The following SYNE2 variants were observed in gnomAD, a reference collection of about 807,000 sequenced individuals.
SYNE2 encodes spectrin repeat containing nuclear envelope protein 2.
In SYNE2, 431 loss-of-function variants were observed where a neutral mutation model predicts 856.3. The ratio of observed to expected loss-of-function variants is 0.50; its 90% CI spans 0.47 to 0.55. The LOEUF (loss-of-function observed/expected upper bound fraction) is 0.55, where lower values mean the gene tolerates loss of function less well. Among genes scored for constraint, SYNE2 ranks in the 20% least tolerant of loss-of-function variants. The pLI, the probability that SYNE2 is intolerant of heterozygous loss-of-function variation, is 0.00. For synonymous variants in SYNE2, 2,923 were observed against 2,872.3 expected, an observed-to-expected ratio of 1.02 and a Z score of -0.56; for missense variants, 8,129 against 8,023.2, an observed-to-expected ratio of 1.01 and a Z score of -0.50.
chr14:63,778,051 G>T (rs558714323), intron 1 of SYNE2, among the ~76,000 whole-genome samples: 1 of 152,140 alleles, frequency 6.6e-6, no homozygotes, highest in Non-Finnish European at 1.5e-5. Flanking sequence ...ATATGGTTAG[G>T]CTTTATGTCA....
chr14:63,945,700 C>G (rs1255859), intron 6 of SYNE2, among the ~76,000 whole-genome samples: 73,390 of 151,932 alleles, frequency 0.48, 18,769 homozygotes, highest in South Asian at 0.56. Context: ...TCTTGGCTCA[C>G]TGTAACCTCT....
chr14:64,189,129 T>A, intron 98 of SYNE2: 1 of 609,316 alleles, frequency 1.6e-6, no homozygotes. Flanking sequence ...AGGTCAAGAG[T>A]TCAAGACCAG....
rs1555365025 is a variant in SYNE2, at chr14:63,892,547, A to AG, written c.-51-16550dup. Among the ~76,000 whole-genome samples the AG allele has an allele frequency of 3.3e-5, 5 of 150,892 alleles. No homozygotes were observed. The South Asian group carries it at 1.0e-3, about 31-fold the overall frequency. On this transcript the variant is annotated intron_variant, in intron 1 of 115. Transcript: ENST00000555002. ...GGCTAAGAATTCCGGTCATTTGGGG[A>AG]GAAAAAAAAAATGTCAAAAATGGAA... is the stretch of plus-strand genomic sequence containing the variant.
intron 97 of SYNE2, 74 bp downstream of exon 97, chr14:64,186,653 AAGG>A: frequency 6.2e-7 from 1 of 1,601,060 alleles, no homozygotes; most frequent in South Asian, 1.1e-5. Context: ...ACAAAGTAGA[AAGG>A]AGCTTAATTT....
chr14:64,194,608 T>C (rs2098532692), intron 99 of SYNE2, among the ~76,000 whole-genome samples: 1 of 152,190 alleles, frequency 6.6e-6, no homozygotes, highest in Non-Finnish European at 1.5e-5. Context: ...ACCCAGCCTT[T>C]GATAACGTCT....
rs765348265 is a variant in SYNE2, at chr14:64,125,157, T to G, written c.13501T>G (p.Tyr4501Asp). 5.6e-6 allele frequency: 9 copies of G among 1,614,086 alleles called. No individual in the cohort carries two copies. ...CCCAACAACTGAAGAACTGAAAACC[T>G]ATACCACCCAACTTGAAGACCTGCG... ...RYPTTEELKT[Y>D]TTQLEDLRQE... The change falls in exon 71 of 116, where the codon TAT (tyrosine) becomes GAT (aspartate). Residue 4501 changes from tyrosine (Y) to aspartate (D), a missense_variant. By Grantham distance (160) the Tyr-to-Asp change is radical. Transcript: ENST00000555002.
chr14:64,025,160 C>A lies in SYNE2; in HGVS notation c.5991C>A (p.Asn1997Lys). 6.2e-7 allele frequency: 1 copy of A among 1,614,064 alleles called. No homozygotes were observed. Among genetic ancestry groups the A allele is most frequent in the Non-Finnish European group, 8.5e-7 (1 of 1,179,986 alleles). The change falls in exon 41 of 116, where the codon AAC (asparagine) becomes AAA (lysine). Residue 1997 changes from asparagine to lysine, a missense_variant. This residue lies in a region of SYNE2 where 2,422 missense variants were observed against 2,357.4 expected (regional missense o/e 1.03). Coordinates refer to ENST00000555002, the MANE Select transcript of SYNE2 (RefSeq NM_182914.3). ...AGTTTGAATCTGTGGCCCAATTGAACAACTCTTTGAAGGAATATGGGTTTA... is the reference window on the plus strand; with the variant it reads ...AGTTTGAATCTGTGGCCCAATTGAAAAACTCTTTGAAGGAATATGGGTTTA... ...REQFESVAQL[N>K]NSLKEYGFTE... is the part of the protein sequence containing the mutation.
intron 46 of SYNE2, 112 bp downstream of exon 46, chr14:64,048,267 C>G: frequency 1.0e-6 from 1 of 989,506 alleles, no homozygotes; most frequent in African/African-American, 1.7e-5. Flanking sequence ...CTTATTTAAC[C>G]TTTGCCTGAT....
At chr14:64,213,061 C>T (rs2098649607) in intron 105 of SYNE2, 56 bp downstream of exon 105, 2 of 1,593,060 alleles carry the variant, frequency 1.3e-6, no homozygotes, top group Non-Finnish European at 1.7e-6. Flanking sequence ...TTACGTGAGA[C>T]CAAATTTTTA....
At chr14:63,815,206 A>G (rs1888909805) in intron 1 of SYNE2, among the ~76,000 whole-genome samples, 1 of 46,274 alleles carries the variant, frequency 2.2e-5, no homozygotes, top group Non-Finnish European at 6.8e-5. Flanking sequence ...ATATATATCC[A>G]TATATATATC....
At chr14:63,948,682 A>C (rs2096076033) in intron 6 of SYNE2, among the ~76,000 whole-genome samples, 1 of 137,130 alleles carries the variant, frequency 7.3e-6, no homozygotes. Context: ...AATTATATAT[A>C]TATGTGTGTA....
At chr14:64,217,160 T>C (rs2098670464) in intron 108 of SYNE2, among the ~76,000 whole-genome samples, 1 of 152,250 alleles carries the variant, frequency 6.6e-6, no homozygotes, top group Non-Finnish European at 1.5e-5. Context: ...CACTTCGCCT[T>C]GCTTCTGTAA....
intron 54 of SYNE2, 53 bp from the exon 55 acceptor site, chr14:64,078,413 A>T (rs145347054): frequency 6.2e-7 from 1 of 1,608,578 alleles, no homozygotes; most frequent in Non-Finnish European, 8.5e-7. Context: ...CGAACCTATG[A>T]ATAAAGTGCA....
intron 61 of SYNE2, among the ~76,000 whole-genome samples, chr14:64,094,271 T>C (rs1458902611): frequency 6.6e-6 from 1 of 151,298 alleles, no homozygotes. Flanking sequence ...GAGGCAGAGC[T>C]TGCAGTGAGC....
chr14:64,074,094 T>G lies in SYNE2; in HGVS notation c.10824T>G (p.Asn3608Lys), dbSNP rs760379074. The G allele has an allele frequency of 1.9e-6, 3 of 1,614,210 alleles. No homozygotes were observed. The East Asian group carries it at 6.7e-5, about 36-fold the overall frequency. Residue 3608 changes from asparagine (N) to lysine (K), a missense_variant, in exon 53 of 116, where the codon AAT becomes AAG. Around this residue, in one of 3 missense-constraint regions of SYNE2, gnomAD observed 5,410 missense variants for 5,284.8 expected, o/e 1.02. Coordinates refer to ENST00000555002, the MANE Select transcript of SYNE2 (RefSeq NM_182914.3). ...AACAGACCACAACTTCATTCCAAAATATGGCATTCCAGGATCACCCAGAAA... is the reference window on the plus strand; with the variant it reads ...AACAGACCACAACTTCATTCCAAAAGATGGCATTCCAGGATCACCCAGAAA... ...FFQQTTTSFQ[N>K]MAFQDHPEKS...
intron 1 of SYNE2, among the ~76,000 whole-genome samples, chr14:63,876,721 T>C (rs909492629): frequency 2.0e-5 from 3 of 152,032 alleles, no homozygotes; most frequent in South Asian, 2.1e-4. Context: ...CTCCTGACCT[T>C]GTGATCCGCC....
At chr14:63,790,924 T>C (rs1887707711) in intron 1 of SYNE2, among the ~76,000 whole-genome samples, 1 of 151,962 alleles carries the variant, frequency 6.6e-6, no homozygotes, top group African/African-American at 2.4e-5. Context: ...AAATAATAAC[T>C]ACCCCTGATT....
intron 8 of SYNE2, among the ~76,000 whole-genome samples, chr14:63,959,287 C>CTTTTTTTTTTTTTTTTTTT (rs34198434): frequency 2.2e-4 from 18 of 81,374 alleles, no homozygotes; most frequent in Non-Finnish European, 3.3e-4. Flanking sequence ...TTTTCTTCTT[C>CTTTTTTTTTTTTTTTTTTT]TTTTTTTTTT....
At chr14:64,184,330 GT>G (rs2098477637) in intron 96 of SYNE2, among the ~76,000 whole-genome samples, 2 of 19,742 alleles carry the variant, frequency 1.0e-4, no homozygotes, top group East Asian at 2.3e-3. Flanking sequence ...ATGCATAGGG[GT>G]GTGTGTGTGT....
Sources: gnomAD v4.1 joint callset for allele counts (sites outside exome capture counted in the v4.1 genomes callset) on GRCh38, gnomAD v4.1.1 for gene constraint, gnomAD v4.1.1 regional missense constraint, MANE v1.5 for transcripts, NCBI Gene and HGNC (gene_info 2026-07-23, HGNC 2026-07-21) for gene names.